Variants in CDK14 observed in about 807,000 individuals in gnomAD.
CDK14 encodes cyclin dependent kinase 14, also known as cyclin-dependent kinase 14.
CDK14 carries 34 observed loss-of-function variants against 60.7 expected under a neutral mutation model. That is an observed-to-expected ratio of 0.56 (90% confidence interval 0.43 to 0.75). CDK14 has a LOEUF of 0.75. Among genes scored for constraint, CDK14 ranks in the 30% least tolerant of loss-of-function variants. The pLI is 0.00. For missense variants in CDK14, 482 were observed against 564.1 expected, an observed-to-expected ratio of 0.85 and a Z score of 1.47; for synonymous variants, 197 against 203.7, an observed-to-expected ratio of 0.97 and a Z score of 0.28.
At chr7:90,872,942 C>T (rs936791279) in intron 6 of CDK14, among the ~76,000 whole-genome samples, 1 of 151,924 alleles carries the variant, frequency 6.6e-6, no homozygotes, top group African/African-American at 2.4e-5. Flanking sequence ...TAGAATTTCA[C>T]CACTTAAACT....
At chr7:91,197,884 G>A (rs1802595604) in intron 14 of CDK14, among the ~76,000 whole-genome samples, 2 of 152,318 alleles carry the variant, frequency 1.3e-5, no homozygotes, top group South Asian at 2.1e-4. Flanking sequence ...CGTGTTGGAG[G>A]GCTTTACATG....
intron 4 of CDK14, among the ~76,000 whole-genome samples, chr7:90,779,905 T>C (rs1286533573): frequency 6.6e-6 from 1 of 152,200 alleles, no homozygotes; most frequent in Non-Finnish European, 1.5e-5. Context: ...TACATTGCAA[T>C]GAATTGCAGT....
chr7:90,912,545 GA>G (rs1792941772), intron 7 of CDK14, among the ~76,000 whole-genome samples: 1 of 152,236 alleles, frequency 6.6e-6, no homozygotes, highest in South Asian at 2.1e-4. Flanking sequence ...TAAACAAAAG[GA>G]AAAATACAGG....
intron 11 of CDK14, among the ~76,000 whole-genome samples, chr7:91,048,097 A>C (rs776677182): frequency 4.6e-5 from 7 of 152,146 alleles, no homozygotes; most frequent in Non-Finnish European, 7.4e-5. Flanking sequence ...AATTTAAGCA[A>C]TTAAAAATAT....
At chr7:91,174,180 C>A (rs1399168026) in intron 14 of CDK14, among the ~76,000 whole-genome samples, 1 of 151,686 alleles carries the variant, frequency 6.6e-6, no homozygotes, top group African/African-American at 2.4e-5. Flanking sequence ...CTGGGAGGCA[C>A]CCCCCAGCAG....
chr7:90,598,722 T>TTTTTTTTTTTTTA (rs58589657), intron 1 of CDK14, among the ~76,000 whole-genome samples: 2 of 135,668 alleles, frequency 1.5e-5, no homozygotes, highest in Admixed American at 7.4e-5. Flanking sequence ...TTTTTTTTTT[T>TTTTTTTTTTTTTA]GAGACGGAGT....
intron 8 of CDK14, among the ~76,000 whole-genome samples, chr7:90,921,737 G>A (rs1247311856): frequency 1.3e-5 from 2 of 152,118 alleles, no homozygotes; most frequent in Non-Finnish European, 1.5e-5. Flanking sequence ...TTTATTGACT[G>A]TCGTGGTGGA....
chr7:90,884,284 G>A (rs1346269505), intron 6 of CDK14, among the ~76,000 whole-genome samples: 1 of 151,854 alleles, frequency 6.6e-6, no homozygotes, highest in Non-Finnish European at 1.5e-5. Flanking sequence ...CTCCTTTATG[G>A]TAACAGTAGG....
intron 14 of CDK14, among the ~76,000 whole-genome samples, chr7:91,203,043 G>C (rs1802779379): frequency 6.6e-6 from 1 of 152,050 alleles, no homozygotes; most frequent in South Asian, 2.1e-4. Flanking sequence ...CATTGACTGT[G>C]GTGACAACAT....
At chr7:90,726,313 A>G (rs1584826019) in intron 2 of CDK14, 1 of 983,958 alleles carries the variant, frequency 1.0e-6, no homozygotes, top group East Asian at 1.1e-4. Flanking sequence ...TACTACTAGC[A>G]GCCTGGGCCT....
At chr7:91,195,709 A>C (rs905229656) in intron 14 of CDK14, among the ~76,000 whole-genome samples, 1 of 152,218 alleles carries the variant, frequency 6.6e-6, no homozygotes, top group Non-Finnish European at 1.5e-5. Context: ...ACAATTATTT[A>C]CCCACAGACT....
intron 2 of CDK14, among the ~76,000 whole-genome samples, chr7:90,651,753 T>C (rs1233991759): frequency 6.6e-6 from 1 of 152,088 alleles, no homozygotes; most frequent in African/African-American, 2.4e-5. Context: ...ATTTTTTTTT[T>C]CATTTTTTTA....
intron 5 of CDK14, among the ~76,000 whole-genome samples, chr7:90,793,897 C>G (rs1805935106): frequency 6.6e-6 from 1 of 152,058 alleles, no homozygotes; most frequent in Admixed American, 6.6e-5. Flanking sequence ...TGCTATTTGG[C>G]CCTTTCAATA....
chr7:91,064,294 A>T (rs768664406), intron 11 of CDK14, among the ~76,000 whole-genome samples: 1 of 152,092 alleles, frequency 6.6e-6, no homozygotes, highest in African/African-American at 2.4e-5. Context: ...AGTCTCTACC[A>T]TTTAAGACCC....
chr7:90,767,786 A>T (rs1804624349), intron 4 of CDK14, among the ~76,000 whole-genome samples: 3 of 152,202 alleles, frequency 2.0e-5, no homozygotes, highest in East Asian at 1.9e-4. Context: ...AAAAAATAAA[A>T]TTTTTTCTAA....
At chr7:91,126,955 G>A (rs1799969024) in intron 14 of CDK14, among the ~76,000 whole-genome samples, 1 of 152,086 alleles carries the variant, frequency 6.6e-6, no homozygotes, top group African/African-American at 2.4e-5. Context: ...GGTCAAAAAG[G>A]CTAGTTAGCA....
intron 11 of CDK14, among the ~76,000 whole-genome samples, chr7:91,063,654 G>C (rs1797877108): frequency 6.6e-6 from 1 of 152,162 alleles, no homozygotes; most frequent in Admixed American, 6.5e-5. Flanking sequence ...TAGTGTATTA[G>C]AATCACAGGA....
Position 91,148,471 on chromosome 7 carries a change from G to A in CDK14, c.*28+30263G>A, listed in dbSNP as rs150743051. 5.3e-5 allele frequency among the ~76,000 whole-genome samples: 8 copies of A among 152,260 alleles called. No individual in the cohort carries two copies. In the East Asian group the frequency reaches 9.6e-4, roughly 18 times the overall value. On this transcript the variant is annotated intron_variant, in intron 14 of 14. Coordinates refer to ENST00000380050, the MANE Select transcript of CDK14 (RefSeq NM_001287135.2). Reference sequence around the variant, plus strand: ...TCCATTTCCTCTGATAAGATATGACGGTAGCTTCCTGGGTGGGTATGAAGT... The same window carrying A: ...TCCATTTCCTCTGATAAGATATGACAGTAGCTTCCTGGGTGGGTATGAAGT...
intron 3 of CDK14, among the ~76,000 whole-genome samples, chr7:90,734,226 C>G (rs1225065755): frequency 6.6e-6 from 1 of 152,178 alleles, no homozygotes; most frequent in Admixed American, 6.5e-5. Context: ...AGTCTTCTCT[C>G]TGGCTGCCCT....
Sources: allele counts gnomAD v4.1 joint callset (sites outside exome capture counted in the v4.1 genomes callset), GRCh38; gene constraint gnomAD v4.1.1; transcripts MANE v1.5; gene names NCBI Gene and HGNC (gene_info 2026-07-23, HGNC 2026-07-21).